Variants in CNOT10 observed in about 807,000 individuals in gnomAD.
CNOT10 encodes CCR4-NOT transcription complex, subunit 10.
CNOT10 carries 30 observed loss-of-function variants against 94.6 expected under a neutral mutation model. The observed-to-expected ratio is 0.32, with a 90% CI of 0.24 to 0.43. The LOEUF (loss-of-function observed/expected upper bound fraction) is 0.43. Among genes scored for constraint, CNOT10 ranks in the 20% least tolerant of loss-of-function variants. The probability of loss-of-function intolerance (pLI) is 1.00; values close to 1 mark genes in which losing one functional copy is unlikely to be tolerated. For synonymous variants in CNOT10, 289 were observed against 301.6 expected, an observed-to-expected ratio of 0.96 and a Z score of 0.43; for missense variants, 759 against 877.2, an observed-to-expected ratio of 0.87 and a Z score of 1.70.
In CNOT10 at chr3:32,740,861, TAA is replaced by T. The variant is rs35227726; in HGVS notation, c.1595+3390_1595+3391del. Among the ~76,000 whole-genome samples the T allele has an allele frequency of 3.0e-3, 418 of 137,212 alleles. 1 individual carries two copies. In the East Asian group the frequency reaches 0.032, roughly 11 times the overall value. The allele number at this position is 137,212 out of a possible 152,430, so 90.0% of individuals were successfully genotyped here. ...TGGACGACAGAGCGAGACTCCGTCT[TAA>T]AAAAAAAAAAAAAAAAAATTTGTGT... On this transcript the variant is annotated intron_variant, in intron 13 of 18. Transcript: ENST00000328834.
At chr3:32,762,379 CCCA>C (rs1385305293) in intron 14 of CNOT10, among the ~76,000 whole-genome samples, 1 of 151,936 alleles carries the variant, frequency 6.6e-6, no homozygotes, top group Non-Finnish European at 1.5e-5. Context: ...AAGTGATTCT[CCCA>C]CCTCAGCCTC....
chr3:32,717,387 CTG>C, intron 7 of CNOT10, 150 bp downstream of exon 7: 1 of 475,302 alleles, frequency 2.1e-6, no homozygotes, highest in Non-Finnish European at 3.7e-6. Flanking sequence ...AGTAATAATA[CTG>C]TGTCTATAGT....
At chr3:32,702,642 A>T (rs1697405607) in intron 1 of CNOT10, among the ~76,000 whole-genome samples, 1 of 152,154 alleles carries the variant, frequency 6.6e-6, no homozygotes, top group African/African-American at 2.4e-5. Context: ...ACTAAATTAT[A>T]AATCTCTTAA....
Position 32,725,565 on chromosome 3 carries a change from C to A in CNOT10, c.978C>A (p.Val326=), listed in dbSNP as rs750086206. ...AGGCTCTGCAAGAGAATGACAATGT[C>A]TGTGCACAGCTCAGTGCAGGTAGCA... ...FKKALQENDN[V]CAQLSAGSTD... is the part of the protein sequence containing the mutation. The change falls in exon 9 of 19, where the codon GTC becomes GTA. Residue 326 remains valine (V), a synonymous_variant. Transcript: ENST00000328834. The A allele has an allele frequency of 1.4e-5, 22 of 1,613,966 alleles. No homozygotes were observed. In the South Asian group the frequency reaches 2.4e-4, roughly 18 times the overall value.
Position 32,689,570 on chromosome 3 carries a change from A to G in CNOT10, c.22+4088A>G, listed in dbSNP as rs1169369484. ...CTTGGAAAATGTCTAAAGAACATCAAGCAGACCCCTTGAATACAAGCTCCC... is the reference window on the plus strand; with the variant it reads ...CTTGGAAAATGTCTAAAGAACATCAGGCAGACCCCTTGAATACAAGCTCCC... On this transcript the variant is annotated intron_variant, in intron 1 of 18. Transcript: ENST00000328834. 4.6e-5 allele frequency among the ~76,000 whole-genome samples: 7 copies of G among 152,114 alleles called. No individual in the cohort carries two copies. The East Asian group carries it at 1.2e-3, about 25-fold the overall frequency.
intron 13 of CNOT10, among the ~76,000 whole-genome samples, chr3:32,758,917 A>G (rs1559515275): frequency 1.3e-5 from 2 of 152,106 alleles, no homozygotes; most frequent in Admixed American, 6.6e-5. Flanking sequence ...AAAACTTTTT[A>G]GTTACTCTTG....
intron 1 of CNOT10, among the ~76,000 whole-genome samples, chr3:32,686,972 C>A (rs1299051046): frequency 6.8e-6 from 1 of 148,000 alleles, no homozygotes; most frequent in Admixed American, 6.7e-5. Flanking sequence ...CATATCCTAG[C>A]TGCACTCCTG....
intron 13 of CNOT10, among the ~76,000 whole-genome samples, chr3:32,750,669 A>G (rs979705566): frequency 6.6e-6 from 1 of 151,606 alleles, no homozygotes; most frequent in Non-Finnish European, 1.5e-5. Flanking sequence ...CTCCTGTCTC[A>G]GCCTCCTGAG....
intron 4 of CNOT10, among the ~76,000 whole-genome samples, chr3:32,712,762 C>T (rs1697949388): frequency 6.6e-6 from 1 of 152,050 alleles, no homozygotes; most frequent in African/African-American, 2.4e-5. Flanking sequence ...TCTCTTGAGC[C>T]TAGTAGGCAG....
chr3:32,690,615 T>C (rs111928272), intron 1 of CNOT10, among the ~76,000 whole-genome samples: 9,262 of 151,922 alleles, frequency 0.061, 327 homozygotes, highest in African/African-American at 0.09. Flanking sequence ...GGTGCGATCT[T>C]GGCTCACTGC....
intron 10 of CNOT10, among the ~76,000 whole-genome samples, chr3:32,729,514 G>A (rs1698838760): frequency 1.3e-5 from 2 of 152,212 alleles, no homozygotes; most frequent in Middle Eastern, 3.4e-3. Context: ...AAGATGTTGA[G>A]GCTCTCCTCC....
intron 13 of CNOT10, among the ~76,000 whole-genome samples, chr3:32,749,584 A>G (rs1699867969): frequency 6.6e-6 from 1 of 151,596 alleles, no homozygotes. Context: ...CTAATTTTGT[A>G]TTTTTAGTAG....
chr3:32,751,279 T>A (rs1031849809), intron 13 of CNOT10, among the ~76,000 whole-genome samples: 1 of 151,854 alleles, frequency 6.6e-6, no homozygotes, highest in African/African-American at 2.4e-5. Flanking sequence ...TTTTAATTTT[T>A]TTTTTTTGTA....
intron 1 of CNOT10, among the ~76,000 whole-genome samples, chr3:32,691,918 C>T (rs756642941): frequency 6.6e-6 from 1 of 151,686 alleles, no homozygotes; most frequent in Admixed American, 6.6e-5. Flanking sequence ...TTAGTGGTGG[C>T]GCATGCCTGT....
intron 10 of CNOT10, among the ~76,000 whole-genome samples, chr3:32,728,221 C>T (rs1698772870): frequency 6.6e-6 from 1 of 152,046 alleles, no homozygotes; most frequent in Non-Finnish European, 1.5e-5. Flanking sequence ...GTCTTGAACT[C>T]CCGACCTTAT....
In CNOT10 at chr3:32,764,286, G is replaced by A. The variant is rs188564712; in HGVS notation, c.1841-169G>A. 71 of 608,678 alleles carry A rather than the reference G, an allele frequency of 1.2e-4. 1 individual carries two copies. The highest frequency in any genetic ancestry group is 2.7e-4 in the African/African-American group (14 of 52,430). 37.7% of individuals were successfully genotyped at this position (608,678 alleles called of 1,614,324 possible). On this transcript the variant is annotated intron_variant, in intron 15 of 18. Coordinates refer to ENST00000328834, the MANE Select transcript of CNOT10 (RefSeq NM_015442.3). Reference sequence around the variant, plus strand: ...CAGGAGGCGGAGGTTGCAGTGAGCCGAGATCATGCCCCTGCACTCCAGCCT... The same window carrying A: ...CAGGAGGCGGAGGTTGCAGTGAGCCAAGATCATGCCCCTGCACTCCAGCCT...
intron 5 of CNOT10, among the ~76,000 whole-genome samples, chr3:32,714,100 A>G (rs919440940): frequency 3.3e-5 from 5 of 152,200 alleles, no homozygotes; most frequent in Admixed American, 6.5e-5. Flanking sequence ...ACTGTTTTAC[A>G]AAGTGGCTGC....
chr3:32,764,602 G>C (rs1444885499), intron 16 of CNOT10, 80 bp from the exon 17 acceptor site: 1 of 1,599,878 alleles, frequency 6.3e-7, no homozygotes, highest in Non-Finnish European at 8.5e-7. Flanking sequence ...GTGCCAAGTG[G>C]CTCCTCAAGG....
At position 32,769,711 on chromosome 3, in the gene CNOT10, T is replaced by C. The variant is rs559058783; in HGVS notation, c.2005-176T>C. On this transcript the variant is annotated intron_variant, in intron 17 of 18. Transcript: ENST00000328834. ...AGTATTACATGTCTAGCTTAATTGT[T>C]AGGTTTTAAGACAAAAGGAACTGAG... is the stretch of plus-strand genomic sequence containing the variant. 9 of 567,302 alleles carry C rather than the reference T, an allele frequency of 1.6e-5. No individual in the cohort carries two copies. In the East Asian group the frequency reaches 2.7e-4, roughly 17 times the overall value. 35.1% of individuals were successfully genotyped at this position (567,302 alleles called of 1,614,324 possible).
Sources: gnomAD v4.1 joint callset for allele counts (sites outside exome capture counted in the v4.1 genomes callset) on GRCh38, gnomAD v4.1.1 for gene constraint, MANE v1.5 for transcripts, NCBI Gene and HGNC (gene_info 2026-07-23, HGNC 2026-07-21) for gene names.